KANTR: variants seen among roughly 807,000 people sequenced by gnomAD.
KANTR encodes the protein KDM5C adjacent transcript.
downstream of KANTR, chrX:53,143,349 G>A (rs2146760998): frequency 1.3e-6 from 1 of 746,771 alleles, no homozygotes; most frequent in Non-Finnish European, 2.0e-6. Flanking sequence ...TCTTCATGAG[G>A]TAGTTGGTCA....
chrX:53,146,906 C>T (rs1933584468), downstream of KANTR, among the ~76,000 whole-genome samples: 1 of 111,651 alleles, frequency 9.0e-6, no homozygotes, highest in Non-Finnish European at 1.9e-5. Flanking sequence ...CCTTTACAGA[C>T]AAGCAAATGC....
chrX:53,111,422 G>T (rs1207113945), intron 2 of KANTR, among the ~76,000 whole-genome samples: 2 of 111,010 alleles, frequency 1.8e-5, no homozygotes, highest in Non-Finnish European at 3.8e-5. Context: ...CACATTTTAT[G>T]GTTTTGATGG....
chrX:53,143,102 C>T (rs782288408), downstream of KANTR: 13 of 1,177,776 alleles, frequency 1.1e-5, no homozygotes, highest in East Asian at 1.2e-4. Context: ...TTGTGGATGC[C>T]GCAGGATTCC....
At chrX:53,144,650 T>C (rs1933549522), downstream of KANTR, among the ~76,000 whole-genome samples, 1 of 110,789 alleles carries the variant, frequency 9.0e-6, no homozygotes, top group Non-Finnish European at 1.9e-5. Flanking sequence ...CAGCTTAGAT[T>C]GCACCACTGT....
chrX:53,128,688 T>C (rs1461520172), downstream of KANTR, among the ~76,000 whole-genome samples: 1 of 111,562 alleles, frequency 9.0e-6, no homozygotes, highest in Non-Finnish European at 1.9e-5. Flanking sequence ...TTCAAATTAA[T>C]TATATTCTCT....
chrX:53,098,050 CAAAAAAAA>C (rs782145330), intron 1 of KANTR, among the ~76,000 whole-genome samples: 3 of 44,270 alleles, frequency 6.8e-5, no homozygotes, highest in Non-Finnish European at 8.5e-5. Flanking sequence ...GACTCTGTCT[CAAAAAAAA>C]AAAAAAAAAA....
chrX:53,119,140 TG>T (rs1261578345), intron 2 of KANTR, among the ~76,000 whole-genome samples: 1 of 106,270 alleles, frequency 9.4e-6, no homozygotes, highest in Non-Finnish European at 1.9e-5. Context: ...TTGACCTCCC[TG>T]GGCTCAGGTG....
chrX:53,132,593 G>A (rs1414140571), intron 2 of KANTR, among the ~76,000 whole-genome samples: 1 of 111,913 alleles, frequency 8.9e-6, no homozygotes. Flanking sequence ...GGGGGCATAG[G>A]GACCCTCTTG....
intron 2 of KANTR, among the ~76,000 whole-genome samples, chrX:53,105,656 ATTT>A (rs201110686): frequency 6.0e-5 from 5 of 82,816 alleles, no homozygotes; most frequent in African/African-American, 4.4e-5. Flanking sequence ...CACCTGGTTA[ATTT>A]TTTTTTTTTT....
chrX:53,111,290 A>G (rs1313479156), intron 2 of KANTR, among the ~76,000 whole-genome samples: 1 of 110,594 alleles, frequency 9.0e-6, no homozygotes, highest in Non-Finnish European at 1.9e-5. Context: ...CTAAAGTGCT[A>G]GGAGTACAGG....
At chrX:53,106,251 T>C (rs1386988080) in intron 2 of KANTR, among the ~76,000 whole-genome samples, 1 of 110,435 alleles carries the variant, frequency 9.1e-6, no homozygotes, top group African/African-American at 3.4e-5. Context: ...TTAATTTCAG[T>C]GATGTCCAGC....
Sources: gnomAD v4.1 joint callset for allele counts (sites outside exome capture counted in the v4.1 genomes callset) on GRCh38, gnomAD v4.1.1 for gene constraint, MANE v1.5 for transcripts, NCBI Gene and HGNC (gene_info 2026-07-23, HGNC 2026-07-21) for gene names.